Variants in ARHGAP15 observed in about 807,000 individuals in gnomAD.
ARHGAP15 encodes Rho GTPase activating protein 15, also known as rho GTPase-activating protein 15.
Under a neutral mutation model 63.7 loss-of-function variants are expected in ARHGAP15, and 51 were observed. That is an observed-to-expected ratio of 0.80 (90% CI 0.64 to 1.01). The LOEUF is 1.01. Among genes scored for constraint, ARHGAP15 ranks in the 50% least tolerant of loss-of-function variants. The pLI, the probability that ARHGAP15 is intolerant of heterozygous loss-of-function variation, is 0.00. For synonymous variants in ARHGAP15, 191 were observed against 193.8 expected, an observed-to-expected ratio of 0.99 and a Z score of 0.12; for missense variants, 560 against 564.6, an observed-to-expected ratio of 0.99 and a Z score of 0.08.
chr2:143,147,622 C>T (rs987540254), intron 1 of ARHGAP15, among the ~76,000 whole-genome samples: 6 of 151,948 alleles, frequency 3.9e-5, no homozygotes, highest in Non-Finnish European at 5.9e-5. Context: ...ACTTTATTTT[C>T]CTTATGTCTC....
intron 6 of ARHGAP15, among the ~76,000 whole-genome samples, chr2:143,257,459 T>C (rs1440719452): frequency 6.6e-6 from 1 of 152,124 alleles, no homozygotes; most frequent in African/African-American, 2.4e-5. Flanking sequence ...GACAACTGGA[T>C]AGCTCACTTC....
intron 10 of ARHGAP15, among the ~76,000 whole-genome samples, chr2:143,519,966 C>A (rs1340796888): frequency 3.3e-5 from 5 of 152,166 alleles, no homozygotes; most frequent in Admixed American, 2.6e-4. Flanking sequence ...ATCATCATTT[C>A]TACTCCACTC....
intron 8 of ARHGAP15, among the ~76,000 whole-genome samples, chr2:143,443,537 T>G (rs1360005702): frequency 2.6e-5 from 4 of 152,230 alleles, no homozygotes; most frequent in Non-Finnish European, 5.9e-5. Context: ...AACAAATCAC[T>G]TCATATTACT....
At chr2:143,377,916 T>C (rs374518170) in intron 6 of ARHGAP15, among the ~76,000 whole-genome samples, 1 of 152,040 alleles carries the variant, frequency 6.6e-6, no homozygotes, top group Non-Finnish European at 1.5e-5. Context: ...TAGTCCCTTT[T>C]CCCCTCACAA....
chr2:143,668,630 T>A (rs1433462434), intron 12 of ARHGAP15, among the ~76,000 whole-genome samples: 2 of 152,240 alleles, frequency 1.3e-5, no homozygotes, highest in Non-Finnish European at 1.5e-5. Flanking sequence ...CATCTCAGTC[T>A]AAATAAGTCA....
intron 1 of ARHGAP15, among the ~76,000 whole-genome samples, chr2:143,149,693 C>T (rs1483519324): frequency 6.6e-6 from 1 of 151,850 alleles, no homozygotes; most frequent in Non-Finnish European, 1.5e-5. Flanking sequence ...AATAAAATAT[C>T]CATAGTTTAT....
At chr2:143,635,588 T>A (rs1461754092) in intron 12 of ARHGAP15, among the ~76,000 whole-genome samples, 2 of 152,106 alleles carry the variant, frequency 1.3e-5, no homozygotes. Context: ...AAACATTAGA[T>A]GTGATGGCTC....
intron 6 of ARHGAP15, among the ~76,000 whole-genome samples, chr2:143,412,284 A>G (rs895921029): frequency 2.6e-5 from 4 of 152,242 alleles, no homozygotes; most frequent in African/African-American, 9.6e-5. Context: ...ACAAAACGGA[A>G]ATGGATTAAA....
chr2:143,538,666 T>C (rs1279580435), intron 10 of ARHGAP15, among the ~76,000 whole-genome samples: 4 of 152,172 alleles, frequency 2.6e-5, no homozygotes, highest in Non-Finnish European at 4.4e-5. Context: ...GATTCTCTGT[T>C]TATGCTGGAT....
At chr2:143,213,865 A>G (rs748818316) in intron 3 of ARHGAP15, among the ~76,000 whole-genome samples, 1 of 152,224 alleles carries the variant, frequency 6.6e-6, no homozygotes, top group Non-Finnish European at 1.5e-5. Context: ...ACTGATGACA[A>G]TGATGTCACA....
At chr2:143,757,379 C>T (rs530021368) in intron 13 of ARHGAP15, among the ~76,000 whole-genome samples, 3 of 152,118 alleles carry the variant, frequency 2.0e-5, no homozygotes, top group African/African-American at 7.2e-5. Flanking sequence ...GGCATGGTAA[C>T]GCGTGACTGT....
intron 3 of ARHGAP15, among the ~76,000 whole-genome samples, chr2:143,206,572 G>A (rs373799906): frequency 6.6e-6 from 1 of 151,990 alleles, no homozygotes; most frequent in Non-Finnish European, 1.5e-5. Context: ...AATAGCAGCT[G>A]GGTCTTGACT....
intron 6 of ARHGAP15, among the ~76,000 whole-genome samples, chr2:143,347,423 C>T (rs967457278): frequency 6.6e-6 from 1 of 152,044 alleles, no homozygotes; most frequent in Admixed American, 6.6e-5. Context: ...AGAAAATTGT[C>T]CTAATGATGG....
In ARHGAP15 at chr2:143,619,594, T is replaced by C. The variant is rs1698579134; in HGVS notation, c.1004-4539T>C. Among the ~76,000 whole-genome samples the C allele has an allele frequency of 2.6e-5, 4 of 152,172 alleles. No individual in the cohort carries two copies. In the South Asian group the frequency reaches 8.3e-4, roughly 32 times the overall value. ...TAGGATTGGACTATAACATGTGATATGGTTTGGCTGTGTCCCCACCCAGAT... is the reference window on the plus strand; with the variant it reads ...TAGGATTGGACTATAACATGTGATACGGTTTGGCTGTGTCCCCACCCAGAT... On this transcript the variant is annotated intron_variant, in intron 11 of 13. Coordinates refer to ENST00000295095, the MANE Select transcript of ARHGAP15 (RefSeq NM_018460.4).
chr2:143,489,677 T>G (rs958363059), intron 9 of ARHGAP15, among the ~76,000 whole-genome samples: 1 of 152,208 alleles, frequency 6.6e-6, no homozygotes, highest in Non-Finnish European at 1.5e-5. Context: ...ATCAGTATTT[T>G]TAATCAGTTA....
At chr2:143,566,219 T>G (rs1696216066) in intron 11 of ARHGAP15, among the ~76,000 whole-genome samples, 1 of 152,176 alleles carries the variant, frequency 6.6e-6, no homozygotes, top group South Asian at 2.1e-4. Context: ...TATTATGCCC[T>G]TATGTGTATG....
intron 6 of ARHGAP15, among the ~76,000 whole-genome samples, chr2:143,349,158 A>G (rs1266013212): frequency 6.6e-6 from 1 of 152,216 alleles, no homozygotes; most frequent in Non-Finnish European, 1.5e-5. Context: ...TGAAGATTGC[A>G]TTTTTATTTG....
chr2:143,382,313 C>G (rs919224333), intron 6 of ARHGAP15, among the ~76,000 whole-genome samples: 1 of 152,104 alleles, frequency 6.6e-6, no homozygotes, highest in Admixed American at 6.6e-5. Context: ...CTTCAGGGCA[C>G]GCTCCCACTG....
At chr2:143,646,119 C>G (rs1290107651) in intron 12 of ARHGAP15, among the ~76,000 whole-genome samples, 1 of 151,960 alleles carries the variant, frequency 6.6e-6, no homozygotes, top group African/African-American at 2.4e-5. Flanking sequence ...CACAGTCCAG[C>G]AGGGGAAACA....
Sources: allele counts gnomAD v4.1 joint callset (sites outside exome capture counted in the v4.1 genomes callset), GRCh38; gene constraint gnomAD v4.1.1; transcripts MANE v1.5; gene names NCBI Gene and HGNC (gene_info 2026-07-23, HGNC 2026-07-21).